Variants in PEX14 observed in about 807,000 individuals in gnomAD.
PEX14 encodes the protein peroxisomal membrane protein PEX14.
PEX14 carries 15 observed loss-of-function variants against 49.5 expected under a neutral mutation model. The observed-to-expected ratio is 0.30, with a 90% CI of 0.20 to 0.47. The LOEUF (loss-of-function observed/expected upper bound fraction) is 0.47. Among genes scored for constraint, PEX14 ranks in the 20% least tolerant of loss-of-function variants. PEX14 has a pLI of 1.00. For missense variants in PEX14, 398 were observed against 494.8 expected (o/e 0.80, Z 1.86); for synonymous variants, 210 against 212.7 (o/e 0.99, Z 0.11).
chr1:10,531,047 T>C (rs12090079), intron 2 of PEX14, among the ~76,000 whole-genome samples: 12,228 of 151,682 alleles, frequency 0.081, 1,241 homozygotes, highest in African/African-American at 0.24. Flanking sequence ...GCGTGTAGAC[T>C]TGAGAAAGAA....
At chr1:10,604,172 C>G (rs1641064477) in intron 4 of PEX14, among the ~76,000 whole-genome samples, 1 of 152,108 alleles carries the variant, frequency 6.6e-6, no homozygotes, top group Non-Finnish European at 1.5e-5. Flanking sequence ...GTCAGGTGGT[C>G]CCGGTGAGGA....
At position 10,629,593 on chromosome 1, in the gene PEX14, C is replaced by T. The variant is rs775184307; in HGVS notation, c.740C>T (p.Ser247Leu). ...KIPSWQIPVK[S>L]PSPSSPAAVN... is the part of the protein sequence containing the mutation. The stretch of plus-strand genomic sequence containing the variant: ...CCCTCCTGGCAGATCCCAGTCAAGT[C>T]ACCGTCACCCTCCAGCCCTGCGGCC... Residue 247 changes from serine to leucine, a missense_variant, in exon 9 of 9, where the codon TCA (serine) becomes TTA (leucine). By Grantham distance (145) the Ser-to-Leu change is moderately radical. This residue lies in a region of PEX14 where 202 missense variants were observed against 298.5 expected (regional missense o/e 0.68). Coordinates refer to ENST00000356607, the MANE Select transcript of PEX14 (RefSeq NM_004565.3). This position sits in a 1 kb window ranked among gnomAD's most constrained non-coding sequence, Gnocchi z 8.5. 6.2e-7 allele frequency: 1 copy of T among 1,614,040 alleles called. No homozygotes were observed. Among genetic ancestry groups the T allele is most frequent in the Non-Finnish European group, 8.5e-7 (1 of 1,180,002 alleles).
chr1:10,477,950 G>A (rs563452663), intron 1 of PEX14, among the ~76,000 whole-genome samples: 1 of 152,212 alleles, frequency 6.6e-6, no homozygotes, highest in African/African-American at 2.4e-5. Flanking sequence ...GTGCAGTGGC[G>A]CGATCTCGGC....
chr1:10,525,389 C>T (rs756069455), intron 2 of PEX14, among the ~76,000 whole-genome samples: 36 of 152,034 alleles, frequency 2.4e-4, no homozygotes, highest in Admixed American at 9.2e-4. Context: ...CTGTGTTTCA[C>T]ACTTTGTGTT....
intron 2 of PEX14, 200 bp from the exon 3 acceptor site, chr1:10,536,013 A>G: frequency 1.7e-6 from 1 of 581,356 alleles, no homozygotes; most frequent in South Asian, 1.9e-5. Context: ...ACAGACTCAG[A>G]TACAGGAAGC....
intron 2 of PEX14, among the ~76,000 whole-genome samples, chr1:10,500,136 C>T (rs1641645312): frequency 7.8e-6 from 1 of 128,900 alleles, no homozygotes; most frequent in Non-Finnish European, 1.7e-5. Flanking sequence ...AGGCACGGTG[C>T]TCACGCCTGT....
intron 3 of PEX14, among the ~76,000 whole-genome samples, chr1:10,578,430 C>T (rs1420713893): frequency 6.6e-6 from 1 of 152,136 alleles, no homozygotes; most frequent in African/African-American, 2.4e-5. Context: ...ATTGTGCCTA[C>T]ACCAGATCTA....
Position 10,478,612 on chromosome 1 carries a change from T to C in PEX14, c.36+3610T>C, listed in dbSNP as rs995075137. On this transcript the variant is annotated intron_variant, in intron 1 of 8. Coordinates refer to ENST00000356607, the MANE Select transcript of PEX14 (RefSeq NM_004565.3). ...GGTTGATCTATTGATTGAGACAGGG[T>C]CTCACTCTGTCACCAGAGTGCGGTG... is the stretch of plus-strand genomic sequence containing the variant. Among the ~76,000 whole-genome samples the C allele has an allele frequency of 7.2e-5, 11 of 152,164 alleles. No homozygotes were observed. In the East Asian group the frequency reaches 2.1e-3, roughly 29 times the overall value.
Position 10,623,711 on chromosome 1 carries a change from C to T in PEX14, c.487+590C>T, listed in dbSNP as rs550328218. Among the ~76,000 whole-genome samples, 4 of 152,362 alleles carry T rather than the reference C, an allele frequency of 2.6e-5. No homozygotes were observed. The East Asian group carries it at 7.7e-4, about 29-fold the overall frequency. On this transcript the variant is annotated intron_variant, in intron 6 of 8. Coordinates refer to ENST00000356607, the MANE Select transcript of PEX14 (RefSeq NM_004565.3). This position sits in a 1 kb window ranked among gnomAD's most constrained non-coding sequence, Gnocchi z 4.4. ...AGGCCAATGAGAGAGCCACCTGTCC[C>T]AGGCAGGAGTCTGTGTCCCTCTGGA...
chr1:10,573,364 A>C (rs6676491), intron 3 of PEX14, among the ~76,000 whole-genome samples: 50,215 of 152,088 alleles, frequency 0.33, 8,880 homozygotes, highest in East Asian at 0.46. Flanking sequence ...TGGGAGGCCA[A>C]AGCGGAGGAT....
chr1:10,592,989 C>G (rs1445468406), intron 3 of PEX14, among the ~76,000 whole-genome samples: 2 of 152,190 alleles, frequency 1.3e-5, no homozygotes, highest in Non-Finnish European at 2.9e-5. Context: ...GAAAGCAGAC[C>G]TGCCTTCTCT....
At chr1:10,617,611 C>T (rs1641463360) in intron 4 of PEX14, among the ~76,000 whole-genome samples, 1 of 152,160 alleles carries the variant, frequency 6.6e-6, no homozygotes, top group Non-Finnish European at 1.5e-5. Flanking sequence ...CTGGTCTACA[C>T]CCACCTACCG....
chr1:10,483,741 T>C (rs1420645290), intron 1 of PEX14, among the ~76,000 whole-genome samples: 1 of 135,056 alleles, frequency 7.4e-6, no homozygotes, highest in East Asian at 2.4e-4. Flanking sequence ...AAATTGTATA[T>C]ACGTGTGTAA....
At chr1:10,500,373 C>CAAAAAAAAAAAAAAAAAAA (rs750781683) in intron 2 of PEX14, among the ~76,000 whole-genome samples, 2 of 43,676 alleles carry the variant, frequency 4.6e-5, no homozygotes, top group Non-Finnish European at 7.9e-5. Context: ...GATTCTGTCT[C>CAAAAAAAAAAAAAAAAAAA]AAAAAAAAAA....
intron 2 of PEX14, among the ~76,000 whole-genome samples, chr1:10,531,355 A>G (rs778143866): frequency 6.6e-6 from 1 of 152,206 alleles, no homozygotes; most frequent in Non-Finnish European, 1.5e-5. Context: ...TCTTACTAAA[A>G]TGCAGCATTT....
At chr1:10,544,327 A>G (rs1318472092) in intron 3 of PEX14, among the ~76,000 whole-genome samples, 1 of 152,224 alleles carries the variant, frequency 6.6e-6, no homozygotes, top group Non-Finnish European at 1.5e-5. Context: ...AGTTGAGCTA[A>G]TACATGGCAG....
At chr1:10,577,531 T>TAC (rs1199836457) in intron 3 of PEX14, among the ~76,000 whole-genome samples, 1 of 1,112 alleles carries the variant, frequency 9.0e-4, no homozygotes, top group East Asian at 0.056. Flanking sequence ...ACACTATACA[T>TAC]ATATATATAT....
chr1:10,520,627 C>T (rs1478311071), intron 2 of PEX14, among the ~76,000 whole-genome samples: 1 of 152,182 alleles, frequency 6.6e-6, no homozygotes, highest in Non-Finnish European at 1.5e-5. Context: ...CAAAACCACT[C>T]TAAGTTCATG....
chr1:10,523,284 A>G (rs1231770005), intron 2 of PEX14, among the ~76,000 whole-genome samples: 1 of 152,202 alleles, frequency 6.6e-6, no homozygotes, highest in African/African-American at 2.4e-5. Flanking sequence ...AAAGCTTCGC[A>G]GCGTATAAAA....
Sources: gnomAD v4.1 joint callset for allele counts (sites outside exome capture counted in the v4.1 genomes callset) on GRCh38, gnomAD v4.1.1 for gene constraint, gnomAD v4.1.1 regional missense constraint, Gnocchi (gnomAD v3.1) non-coding constraint, MANE v1.5 for transcripts, NCBI Gene and HGNC (gene_info 2026-07-23, HGNC 2026-07-21) for gene names.